MYOM1: variants seen among roughly 807,000 people sequenced by gnomAD.
MYOM1 encodes myomesin-1.
Under a neutral mutation model 205.3 loss-of-function variants are expected in MYOM1, and 164 were observed. The observed-to-expected ratio is 0.80, with a 90% CI of 0.70 to 0.91. The LOEUF is 0.91. MYOM1 is among the 40% of genes least tolerant of loss of function. The pLI is 0.00. For synonymous variants in MYOM1, 772 were observed against 789.4 expected (o/e 0.98, Z 0.37); for missense variants, 2,011 against 2,127.3 (o/e 0.95, Z 1.08).
Position 3,094,450 on chromosome 18 carries a change from G to A in MYOM1, c.3728-144C>T, listed in dbSNP as rs554368772. ...GCTTCTTGCAAAGCCCAGAGGCAGT[G>A]AGAGTTGCAGGGAAAGCCTTAGATT... is the stretch of plus-strand genomic sequence containing the variant. On this transcript the variant is annotated intron_variant, in intron 25 of 37. Coordinates refer to ENST00000356443, the MANE Select transcript of MYOM1 (RefSeq NM_003803.4). 8.4e-6 allele frequency: 7 copies of A among 836,190 alleles called. No homozygotes were observed. The South Asian group carries it at 1.4e-4, about 16-fold the overall frequency. The allele number at this position is 836,190 out of a possible 1,614,324, so 51.8% of individuals were successfully genotyped here.
intron 36 of MYOM1, 52 bp from the exon 37 acceptor site, chr18:3,071,941 C>A: frequency 1.3e-6 from 2 of 1,533,100 alleles, no homozygotes; most frequent in South Asian, 2.4e-5. Flanking sequence ...GGCCAGCGGT[C>A]ATACTCACAA....
At chr18:3,202,346 C>A (rs973632719) in intron 2 of MYOM1, among the ~76,000 whole-genome samples, 20 of 146,850 alleles carry the variant, frequency 1.4e-4, no homozygotes, top group African/African-American at 5.4e-4. Context: ...TTTTAGCAAA[C>A]GTAAATGGAA....
rs752481940 is a variant in MYOM1, at chr18:3,083,914, T to C, written c.4379-20A>G. On this transcript the variant is annotated intron_variant, in intron 32 of 37. Coordinates refer to ENST00000356443, the MANE Select transcript of MYOM1 (RefSeq NM_003803.4). ...ACAAAGCTGAAAGAAGAAAATAGCA[T>C]ATTTCATACATCTGCATGCCCCTCC... The C allele has an allele frequency of 6.3e-7, 1 of 1,575,042 alleles. No homozygotes were observed.
intron 37 of MYOM1, 45 bp from the exon 38 acceptor site, chr18:3,067,600 A>T: frequency 6.3e-7 from 1 of 1,577,118 alleles, no homozygotes; most frequent in African/African-American, 1.3e-5. Context: ...AATTAGATGT[A>T]ATAGACACAC....
At chr18:3,245,648 A>G in the MYOM1 span, among the ~76,000 whole-genome samples, 7 of 152,190 alleles carry the variant, frequency 4.6e-5, no homozygotes, top group African/African-American at 1.4e-4. Flanking sequence ...ATGAACACAG[A>G]CTACACAATT....
intron 2 of MYOM1, among the ~76,000 whole-genome samples, chr18:3,199,510 G>C (rs1343009125): frequency 6.6e-6 from 1 of 152,214 alleles, no homozygotes; most frequent in Non-Finnish European, 1.5e-5. Flanking sequence ...ACAGGCAAGA[G>C]AGCCTGGAAT....
chr18:3,066,928 A>C lies in MYOM1; in HGVS notation c.*334T>G. ...ACACGAGACACGGCCATGGCTTCAC[A>C]GCTGCAGCAAATCCCAATTCGCCCC... is the stretch of plus-strand genomic sequence containing the variant. On this transcript the variant is annotated 3_prime_UTR_variant, in exon 38 of 38. Transcript: ENST00000356443. The C allele has an allele frequency of 3.6e-6, 1 of 281,208 alleles. No homozygotes were observed. The highest frequency in any genetic ancestry group is 6.9e-6 in the Non-Finnish European group (1 of 144,892). The allele number at this position is 281,208 out of a possible 1,614,324, so 17.4% of individuals were successfully genotyped here. A position where few individuals can be genotyped will look rare whatever the true frequency, so the allele number is the denominator to read the frequency against.
chr18:3,215,932 TAGC>T (rs1490012219), intron 1 of MYOM1, among the ~76,000 whole-genome samples: 1 of 152,158 alleles, frequency 6.6e-6, no homozygotes, highest in Admixed American at 6.5e-5. Context: ...AACAAATAAT[TAGC>T]AGCACCTACT....
chr18:3,192,367 G>C (rs569427488), intron 3 of MYOM1, among the ~76,000 whole-genome samples: 1 of 152,118 alleles, frequency 6.6e-6, no homozygotes, highest in South Asian at 2.1e-4. Flanking sequence ...AGATAGCAAA[G>C]ATATCAAATA....
chr18:3,173,844 T>C, intron 8 of MYOM1, 94 bp downstream of exon 8: 1 of 1,078,254 alleles, frequency 9.3e-7, no homozygotes, highest in Non-Finnish European at 1.4e-6. Flanking sequence ...TACTATGTTA[T>C]ATATAGTATG....
chr18:3,200,816 T>A (rs1014000116), intron 2 of MYOM1, among the ~76,000 whole-genome samples: 14 of 152,084 alleles, frequency 9.2e-5, no homozygotes, highest in African/African-American at 3.1e-4. Flanking sequence ...GGAAAATATA[T>A]TTGAAGAAAT....
intron 10 of MYOM1, among the ~76,000 whole-genome samples, chr18:3,159,971 CTTCT>C (rs1402267570): frequency 1.5e-5 from 2 of 129,542 alleles, no homozygotes; most frequent in Non-Finnish European, 3.4e-5. Context: ...GCCTGCCTTC[CTTCT>C]CTCTCTCCCT....
At position 3,189,015 on chromosome 18, in the gene MYOM1, C is replaced by T; in HGVS notation, c.504G>A (p.Gln168=). Residue 168 remains glutamine (Q), a synonymous_variant, in exon 4 of 38, where the codon CAG becomes CAA. Transcript: ENST00000356443. This position sits in a 1 kb window ranked among gnomAD's most constrained non-coding sequence, Gnocchi z 4.8. ...RIKEAAAYIA[Q]RNLLASEEGI... is the part of the protein sequence containing the mutation. ...CTTCCTCACTAGCAAGAAGATTCCT[C>T]TGGGCTATATAAGCAGCAGCTTCTT... is the stretch of plus-strand genomic sequence containing the variant. The T allele has an allele frequency of 6.2e-7, 1 of 1,613,630 alleles. No individual in the cohort carries two copies. Among genetic ancestry groups the T allele is most frequent in the East Asian group, 2.2e-5 (1 of 44,814 alleles).
chr18:3,161,384 C>T (rs2080388972), intron 10 of MYOM1, among the ~76,000 whole-genome samples: 1 of 152,204 alleles, frequency 6.6e-6, no homozygotes, highest in Non-Finnish European at 1.5e-5. Context: ...TACTAGGACC[C>T]CTGAGCGTTA....
rs745312253 is a variant in MYOM1 at position 3,067,340 on chromosome 18, G to A, written c.4980C>T (p.Thr1660=). The A allele has an allele frequency of 1.6e-5, 26 of 1,612,188 alleles. No homozygotes were observed. In the East Asian group the frequency reaches 2.2e-4, roughly 14 times the overall value. ...NKYGSETSDF[T]VSVFIPEEEA... ...CCTCCTCTGGGATGAACACGCTGAC[G>A]GTGAAGTCGCTGGTCTCCGAGCCAT... Residue 1660 remains threonine (T), a synonymous_variant, in exon 38 of 38, where the codon ACC becomes ACT. Coordinates refer to ENST00000356443, the MANE Select transcript of MYOM1 (RefSeq NM_003803.4).
chr18:3,162,130 T>G (rs891671195), intron 10 of MYOM1, among the ~76,000 whole-genome samples: 9 of 152,096 alleles, frequency 5.9e-5, no homozygotes, highest in Non-Finnish European at 1.2e-4. Flanking sequence ...TATTTTAAAT[T>G]TTCTCTATAT....
chr18:3,135,044 G>C lies in MYOM1; in HGVS notation c.2210-220C>G. The C allele has an allele frequency of 2.2e-6, 1 of 462,286 alleles. No homozygotes were observed. The highest frequency in any genetic ancestry group is 3.9e-6 in the Non-Finnish European group (1 of 256,186). 28.6% of individuals were successfully genotyped at this position (462,286 alleles called of 1,614,324 possible). A position where few individuals can be genotyped will look rare whatever the true frequency, so the allele number is the denominator to read the frequency against. On this transcript the variant is annotated intron_variant, in intron 15 of 37. Coordinates refer to ENST00000356443, the MANE Select transcript of MYOM1 (RefSeq NM_003803.4). This position sits in a 1 kb window ranked among gnomAD's most constrained non-coding sequence, Gnocchi z 4.1. ...GCTCACTGCAGCCCCCACCTCCTGG[G>C]TTCAGGCAATTTTCCCACCTCAGCC...
rs547609473 is a variant in MYOM1 at position 3,080,535 on chromosome 18, A to T, written c.4485-1193T>A. On this transcript the variant is annotated intron_variant, in intron 33 of 37. Transcript: ENST00000356443. ...CTAAAAACACAAATACTAGCTGGGC[A>T]TGGTGGCATGTGCCTGTAGTCCCAG... is the stretch of plus-strand genomic sequence containing the variant. Among the ~76,000 whole-genome samples the T allele has an allele frequency of 1.9e-3, 288 of 152,064 alleles. 1 individual carries two copies. The highest frequency in any genetic ancestry group is 6.8e-3 in the Middle Eastern group (2 of 294).
intron 11 of MYOM1, 133 bp downstream of exon 11, chr18:3,154,814 G>C (rs991389415): frequency 1.1e-6 from 1 of 945,810 alleles, no homozygotes; most frequent in Non-Finnish European, 1.5e-6. Context: ...GAAAGATGAA[G>C]AGAGATACAG....
Sources: gnomAD v4.1 joint callset for allele counts (sites outside exome capture counted in the v4.1 genomes callset) on GRCh38, gnomAD v4.1.1 for gene constraint, Gnocchi (gnomAD v3.1) non-coding constraint, MANE v1.5 for transcripts, NCBI Gene and HGNC (gene_info 2026-07-23, HGNC 2026-07-21) for gene names.